The following KMT2C variants were observed in gnomAD, a reference collection of about 807,000 sequenced individuals.
KMT2C encodes the protein lysine methyltransferase 2C.
A neutral mutation model predicts 507.9 loss-of-function variants in KMT2C; 88 were observed. The ratio of observed to expected loss-of-function variants is 0.17; its 90% confidence interval spans 0.15 to 0.21. KMT2C has a LOEUF of 0.21. KMT2C is among the 10% of genes least tolerant of loss of function. The pLI, the probability that KMT2C is intolerant of heterozygous loss-of-function variation, is 1.00. For missense variants in KMT2C, 4,954 were observed against 5,957.8 expected (o/e 0.83, Z 5.55); for synonymous variants, 2,049 against 2,080.8 (o/e 0.98, Z 0.42).
rs1265491555 is a variant in KMT2C at position 152,154,274 on chromosome 7, A to G, written c.12132T>C (p.Ala4044=). 1.2e-6 allele frequency: 2 copies of G among 1,614,188 alleles called. No homozygotes were observed. The highest frequency in any genetic ancestry group is 3.3e-5 in the Admixed American group (2 of 60,024). Residue 4044 remains alanine (A), a synonymous_variant, in exon 47 of 59, where the codon GCT becomes GCC. Coordinates refer to ENST00000262189, the MANE Select transcript of KMT2C (RefSeq NM_170606.3). ...SPIIPILPST[A]GKSSESRRND... is the part of the protein sequence containing the mutation. Reference sequence around the variant, plus strand: ...GTTAAGTGTTGTTCTTACTTTTCCCAGCAGTGCTAGGAAGAATTGGAATGA... The same window carrying G: ...GTTAAGTGTTGTTCTTACTTTTCCCGGCAGTGCTAGGAAGAATTGGAATGA...
chr7:152,314,107 A>G (rs1300547199), intron 4 of KMT2C, among the ~76,000 whole-genome samples: 1 of 152,172 alleles, frequency 6.6e-6, no homozygotes, highest in Non-Finnish European at 1.5e-5. Flanking sequence ...CTCTCCAAAT[A>G]TAGTACTTCT....
rs2093440012 is a variant in KMT2C, at chr7:152,181,707, T to C, written c.6153A>G (p.Pro2051=). ...GPFKTPMQPP[P]SSQDPYGSVS... ...CTGATCCATAAGGATCCTGAGAGGATGGAGGAGGTTGCATTGGAGTCTTAA... is the reference window on the plus strand; with the variant it reads ...CTGATCCATAAGGATCCTGAGAGGACGGAGGAGGTTGCATTGGAGTCTTAA... Residue 2051 remains proline, a synonymous_variant, in exon 36 of 59, where the codon CCA becomes CCG. Transcript: ENST00000262189. The C allele has an allele frequency of 6.2e-7, 1 of 1,614,020 alleles. No individual in the cohort carries two copies. The highest frequency in any genetic ancestry group is 1.1e-5 in the South Asian group (1 of 91,064).
intron 4 of KMT2C, among the ~76,000 whole-genome samples, chr7:152,313,087 C>CT (rs1265463247): frequency 3.9e-5 from 6 of 152,140 alleles, no homozygotes; most frequent in East Asian, 1.9e-4. Flanking sequence ...AATGCATAGA[C>CT]TTTTTTTAAA....
At chr7:152,333,837 T>C (rs2096906853) in intron 2 of KMT2C, among the ~76,000 whole-genome samples, 2 of 151,140 alleles carry the variant, frequency 1.3e-5, no homozygotes, top group African/African-American at 2.5e-5. Flanking sequence ...AACATGTTTC[T>C]TTTCTTTTTT....
At chr7:152,272,434 T>C (rs2095994133) in intron 7 of KMT2C, among the ~76,000 whole-genome samples, 1 of 152,178 alleles carries the variant, frequency 6.6e-6, no homozygotes, top group Non-Finnish European at 1.5e-5. Context: ...GATTCCTATA[T>C]ACACACAAAA....
At chr7:152,150,477 G>A (rs1477922155) in intron 51 of KMT2C, among the ~76,000 whole-genome samples, 3 of 152,022 alleles carry the variant, frequency 2.0e-5, no homozygotes, top group South Asian at 2.1e-4. Flanking sequence ...TTAGCTGGGC[G>A]TGGTGGCACG....
intron 3 of KMT2C, among the ~76,000 whole-genome samples, chr7:152,326,676 C>T (rs907003373): frequency 3.3e-5 from 5 of 152,002 alleles, no homozygotes; most frequent in Admixed American, 1.3e-4. Flanking sequence ...GTCAGGAGAT[C>T]GAGACCATCC....
chr7:152,245,713 A>G (rs1345119850), intron 14 of KMT2C, among the ~76,000 whole-genome samples: 2 of 152,128 alleles, frequency 1.3e-5, no homozygotes, highest in Non-Finnish European at 1.5e-5. Context: ...AAAAGCTCAT[A>G]TAATACTATT....
At position 152,182,962 on chromosome 7, in the gene KMT2C, A is replaced by G; in HGVS notation, c.5265+12T>C. On this transcript the variant is annotated intron_variant, in intron 35 of 58. Coordinates refer to ENST00000262189, the MANE Select transcript of KMT2C (RefSeq NM_170606.3). ...GCAACTTCAAAAAGTAGATTATCCA[A>G]AAATTCCATACCTGTCTAAATTTCC... The G allele has an allele frequency of 6.5e-7, 1 of 1,545,250 alleles. No homozygotes were observed. Among genetic ancestry groups the G allele is most frequent in the South Asian group, 1.3e-5 (1 of 78,576 alleles).
chr7:152,161,365 A>C (rs1305569277), intron 43 of KMT2C, among the ~76,000 whole-genome samples: 1 of 152,212 alleles, frequency 6.6e-6, no homozygotes, highest in African/African-American at 2.4e-5. Context: ...CCAATTTGAG[A>C]AGCTCTCTAG....
rs542034796 is a variant in KMT2C, at chr7:152,214,390, C to T, written c.3712+6133G>A. On this transcript the variant is annotated intron_variant, in intron 23 of 58. Transcript: ENST00000262189. Reference sequence around the variant, plus strand: ...ATAAAGAAATTGTGACGTGTGTATACACATATATTAAGTCCTCCCTTAATG... The same window carrying T: ...ATAAAGAAATTGTGACGTGTGTATATACATATATTAAGTCCTCCCTTAATG... Among the ~76,000 whole-genome samples, 1,048 of 152,238 alleles carry T rather than the reference C, an allele frequency of 6.9e-3. 10 individuals are homozygous for T. Among genetic ancestry groups the T allele is most frequent in the African/African-American group, 0.024 (1,007 of 41,534 alleles).
chr7:152,218,738 A>G (rs975345630), intron 23 of KMT2C, among the ~76,000 whole-genome samples: 3 of 151,870 alleles, frequency 2.0e-5, no homozygotes, highest in Non-Finnish European at 4.4e-5. Flanking sequence ...TCACATCTCT[A>G]ATCTTCTCAC....
intron 39 of KMT2C, among the ~76,000 whole-genome samples, chr7:152,173,580 A>G (rs2093059342): frequency 6.6e-6 from 1 of 152,236 alleles, no homozygotes; most frequent in African/African-American, 2.4e-5. Flanking sequence ...TCAAAAATTC[A>G]GATATTGAAA....
Position 152,307,276 on chromosome 7 carries a change from A to AG in KMT2C, c.849+2689dup, listed in dbSNP as rs1208741073. Among the ~76,000 whole-genome samples the AG allele has an allele frequency of 8.0e-4, 100 of 124,420 alleles. 1 individual carries two copies. The highest frequency in any genetic ancestry group is 2.7e-3 in the African/African-American group (71 of 26,080). 81.6% of individuals were successfully genotyped at this position (124,420 alleles called of 152,430 possible). On this transcript the variant is annotated intron_variant, in intron 6 of 58. Coordinates refer to ENST00000262189, the MANE Select transcript of KMT2C (RefSeq NM_170606.3). ...ACGGTAGGAAGGAAGGAAGGAAGAA[A>AG]GAAAGGAAGGAAGGAAGGAAGGAAG... is the stretch of plus-strand genomic sequence containing the variant.
At chr7:152,366,280 G>C (rs1042704889) in intron 1 of KMT2C, among the ~76,000 whole-genome samples, 2 of 152,128 alleles carry the variant, frequency 1.3e-5, no homozygotes, top group African/African-American at 4.8e-5. Context: ...TCTCCAAAGA[G>C]ATATTTATAC....
intron 14 of KMT2C, among the ~76,000 whole-genome samples, chr7:152,244,507 C>T (rs1037272585): frequency 2.0e-5 from 3 of 151,970 alleles, no homozygotes; most frequent in African/African-American, 7.3e-5. Flanking sequence ...CACAGCAAGA[C>T]CCCCATCTCT....
At position 152,224,139 on chromosome 7, in the gene KMT2C, G is replaced by C; in HGVS notation, c.3199C>G (p.Leu1067Val). The change falls in exon 20 of 59, where the codon CTA becomes GTA. Residue 1067 changes from leucine (L) to valine (V), a missense_variant. Around this residue, in one of 29 missense-constraint regions of KMT2C, gnomAD observed 52 missense variants for 162.4 expected, o/e 0.32. Transcript: ENST00000262189. ...TAATTGTTCTGCCATTCACATCTTA[G>C]ACCTGCAGATGTTGCTCCACAGTGT... ...CRHCGATSAG[L>V]RCEWQNNYTQ... 1 of 1,606,398 alleles carries C rather than the reference G, an allele frequency of 6.2e-7. No homozygotes were observed. Among genetic ancestry groups the C allele is most frequent in the Non-Finnish European group, 8.5e-7 (1 of 1,174,916 alleles).
intron 6 of KMT2C, among the ~76,000 whole-genome samples, chr7:152,275,707 C>T (rs2096068701): frequency 6.6e-6 from 1 of 152,150 alleles, no homozygotes; most frequent in Non-Finnish European, 1.5e-5. Flanking sequence ...GAATTAACTA[C>T]AAATACAACA....
chr7:152,320,782 G>A (rs79669552), intron 3 of KMT2C, among the ~76,000 whole-genome samples: 3,757 of 151,780 alleles, frequency 0.025, 101 homozygotes, highest in Non-Finnish European at 0.039. Context: ...TACAACTAAC[G>A]GTTCACATTC....
Sources: allele counts gnomAD v4.1 joint callset (sites outside exome capture counted in the v4.1 genomes callset), GRCh38; gene constraint gnomAD v4.1.1; regional missense constraint gnomAD v4.1.1; transcripts MANE v1.5; gene names NCBI Gene and HGNC (gene_info 2026-07-23, HGNC 2026-07-21).